Variants in PPP1R9A observed in about 807,000 individuals in gnomAD.
PPP1R9A encodes the protein protein phosphatase 1 regulatory subunit 9A.
PPP1R9A carries 59 observed loss-of-function variants against 141.9 expected under a neutral mutation model. The ratio of observed to expected loss-of-function variants is 0.42; its 90% CI spans 0.34 to 0.52. The LOEUF is 0.52. Among genes scored for constraint, PPP1R9A ranks in the 20% least tolerant of loss-of-function variants. PPP1R9A has a pLI of 0.10. For missense variants in PPP1R9A, 1,444 were observed against 1,611.9 expected (o/e 0.90, Z 1.78); for synonymous variants, 500 against 569.7 (o/e 0.88, Z 1.74).
intron 2 of PPP1R9A, among the ~76,000 whole-genome samples, chr7:95,080,374 A>T (rs894357609): frequency 6.6e-6 from 1 of 152,060 alleles, no homozygotes; most frequent in Admixed American, 6.6e-5. Context: ...TAGGAATCCA[A>T]CTTACAAGGG....
chr7:95,041,644 A>G (rs1021499420), intron 2 of PPP1R9A, among the ~76,000 whole-genome samples: 3 of 151,956 alleles, frequency 2.0e-5, no homozygotes, highest in African/African-American at 7.2e-5. Flanking sequence ...GTTTTCTTTT[A>G]TTTGTAGTTT....
intron 16 of PPP1R9A, among the ~76,000 whole-genome samples, chr7:95,279,877 G>A (rs1403124827): frequency 6.6e-6 from 1 of 152,168 alleles, no homozygotes; most frequent in Non-Finnish European, 1.5e-5. Context: ...GATTTTGATA[G>A]TATGGATTTT....
At chr7:94,958,563 A>G in intron 2 of PPP1R9A, among the ~76,000 whole-genome samples, 1 of 151,950 alleles carries the variant, frequency 6.6e-6, no homozygotes, top group Middle Eastern at 3.4e-3. Flanking sequence ...TTATGTTGTT[A>G]TTTGTTAGAG....
chr7:94,920,418 T>G (rs1352811002), intron 2 of PPP1R9A, among the ~76,000 whole-genome samples: 1 of 152,134 alleles, frequency 6.6e-6, no homozygotes, highest in African/African-American at 2.4e-5. Flanking sequence ...CTCTTTCTCA[T>G]GCACATATCC....
chr7:95,141,705 T>C (rs1826731981), intron 4 of PPP1R9A, among the ~76,000 whole-genome samples: 1 of 152,214 alleles, frequency 6.6e-6, no homozygotes, highest in Admixed American at 6.5e-5. Context: ...CAGTACTTAA[T>C]TCATTTTTAT....
chr7:95,186,010 T>C (rs1387910969), intron 5 of PPP1R9A, among the ~76,000 whole-genome samples: 1 of 146,220 alleles, frequency 6.8e-6, no homozygotes, highest in Non-Finnish European at 1.5e-5. Context: ...ATGCAGGCTC[T>C]TTTTTTGTTC....
intron 2 of PPP1R9A, among the ~76,000 whole-genome samples, chr7:94,916,640 G>C (rs1156886190): frequency 6.6e-6 from 1 of 152,140 alleles, no homozygotes; most frequent in Non-Finnish European, 1.5e-5. Context: ...TCTTTGTGTG[G>C]TTTAAGTTTT....
rs371813853 is a variant in PPP1R9A, at chr7:95,290,072, G to A, written c.3913-19G>A. ...TCATTGGTTTTCAAATTCAGTTTGTGTGTGTGTTTCTTTCTTAGGCTCTTG... is the reference window on the plus strand; with the variant it reads ...TCATTGGTTTTCAAATTCAGTTTGTATGTGTGTTTCTTTCTTAGGCTCTTG... On this transcript the variant is annotated intron_variant, in intron 19 of 19. Coordinates refer to ENST00000433360, the MANE Select transcript of PPP1R9A (RefSeq NM_001166160.2). The A allele has an allele frequency of 2.8e-5, 45 of 1,611,110 alleles. No homozygotes were observed. The highest frequency in any genetic ancestry group is 3.2e-5 in the Non-Finnish European group (38 of 1,179,200).
At chr7:95,000,357 T>C (rs1802749052) in intron 2 of PPP1R9A, among the ~76,000 whole-genome samples, 1 of 152,182 alleles carries the variant, frequency 6.6e-6, no homozygotes, top group African/African-American at 2.4e-5. Flanking sequence ...TTCATGTAGA[T>C]TTTTGCATGT....
intron 2 of PPP1R9A, among the ~76,000 whole-genome samples, chr7:95,042,129 A>G (rs1375499355): frequency 6.6e-6 from 1 of 152,178 alleles, no homozygotes; most frequent in African/African-American, 2.4e-5. Flanking sequence ...TACTGCCCTC[A>G]GGGAGTTCCT....
At position 95,290,195 on chromosome 7, in the gene PPP1R9A, A is replaced by C. The variant is rs202180953; in HGVS notation, c.4017A>C (p.Glu1339Asp). 23 of 1,613,952 alleles carry C rather than the reference A, an allele frequency of 1.4e-5. No homozygotes were observed. The African/African-American group carries it at 2.7e-4, about 19-fold the overall frequency. The part of the protein sequence containing the change: ...EKARKAQEKM[E>D]KQREKLRRKE... ...CTCGGAAGGCCCAAGAGAAAATGGA[A>C]AAACAAAGAGAAAAGCTAAGGAGAA... is the stretch of plus-strand genomic sequence containing the variant. The change falls in exon 20 of 20, where the codon GAA (glutamate) becomes GAC (aspartate). Residue 1339 changes from glutamate (E) to aspartate (D), a missense_variant. Coordinates refer to ENST00000433360, the MANE Select transcript of PPP1R9A (RefSeq NM_001166160.2).
chr7:95,156,256 C>A (rs1392586792), intron 4 of PPP1R9A: 1 of 152,280 alleles, frequency 6.6e-6, no homozygotes, highest in Non-Finnish European at 1.5e-5. Flanking sequence ...ACCAGGTGCA[C>A]TGCAGGAAGC....
At chr7:95,001,854 C>A (rs1463221419) in intron 2 of PPP1R9A, among the ~76,000 whole-genome samples, 1 of 151,850 alleles carries the variant, frequency 6.6e-6, no homozygotes, top group East Asian at 1.9e-4. Context: ...GAAAAACAAA[C>A]AAACAAAAAA....
intron 3 of PPP1R9A, among the ~76,000 whole-genome samples, chr7:95,113,973 T>G (rs769089465): frequency 1.2e-4 from 18 of 152,074 alleles, no homozygotes; most frequent in Non-Finnish European, 1.9e-4. Flanking sequence ...TCATTTGGAG[T>G]TAAAGTGAAT....
chr7:95,114,165 T>G (rs1821061697), intron 3 of PPP1R9A, among the ~76,000 whole-genome samples: 1 of 152,124 alleles, frequency 6.6e-6, no homozygotes, highest in Non-Finnish European at 1.5e-5. Flanking sequence ...ATCTAGGCAA[T>G]AAAATATTAC....
intron 8 of PPP1R9A, among the ~76,000 whole-genome samples, chr7:95,243,156 G>C (rs1415462455): frequency 6.6e-6 from 1 of 152,040 alleles, no homozygotes; most frequent in Non-Finnish European, 1.5e-5. Context: ...TGGAAAGTAG[G>C]GTCCACGTCT....
intron 7 of PPP1R9A, among the ~76,000 whole-genome samples, chr7:95,219,110 T>C (rs976253432): frequency 1.3e-5 from 2 of 152,186 alleles, no homozygotes; most frequent in African/African-American, 4.8e-5. Context: ...GTGGTACTGG[T>C]TGTTCCTTTC....
chr7:94,995,258 T>G (rs562004961), intron 2 of PPP1R9A, among the ~76,000 whole-genome samples: 1 of 152,220 alleles, frequency 6.6e-6, no homozygotes, highest in South Asian at 2.1e-4. Flanking sequence ...TTTTGAGTAA[T>G]TTGGTTATGA....
At chr7:95,064,581 G>T (rs913109795) in intron 2 of PPP1R9A, among the ~76,000 whole-genome samples, 2 of 152,210 alleles carry the variant, frequency 1.3e-5, no homozygotes, top group African/African-American at 4.8e-5. Flanking sequence ...CACCTTATTT[G>T]ACCTCAGCTG....
Sources: gnomAD v4.1 joint callset for allele counts (sites outside exome capture counted in the v4.1 genomes callset) on GRCh38, gnomAD v4.1.1 for gene constraint, MANE v1.5 for transcripts, NCBI Gene and HGNC (gene_info 2026-07-23, HGNC 2026-07-21) for gene names.